The following TYW1B variants were observed in gnomAD, a reference collection of about 807,000 sequenced individuals.
The protein encoded by TYW1B is tRNA-yW synthesizing protein 1 homolog B.
A neutral mutation model predicts 86.9 loss-of-function variants in TYW1B; 73 were observed. The observed-to-expected ratio is 0.84, with a 90% CI of 0.70 to 1.02. The LOEUF is 1.02. Among genes scored for constraint, TYW1B ranks in the 50% least tolerant of loss-of-function variants. The probability of loss-of-function intolerance (pLI) is 0.00; values close to 1 mark genes in which losing one functional copy is unlikely to be tolerated. For synonymous variants in TYW1B, 248 were observed against 292.8 expected (o/e 0.85, Z 1.56); for missense variants, 637 against 827.4 (o/e 0.77, Z 2.82).
chr7:72,596,179 CAA>C (rs58325295), intron 13 of TYW1B, among the ~76,000 whole-genome samples: 10,375 of 56,130 alleles, frequency 0.18, 206 homozygotes, highest in East Asian at 0.38. Context: ...AACTCTGTCT[CAA>C]AAAAAAAAAA....
At chr7:72,720,342 T>A (rs539481584) in intron 9 of TYW1B, among the ~76,000 whole-genome samples, 11 of 151,926 alleles carry the variant, frequency 7.2e-5, no homozygotes, top group Admixed American at 1.3e-4. Flanking sequence ...CAACAAAGGG[T>A]ACTACCACAG....
intron 8 of TYW1B, among the ~76,000 whole-genome samples, chr7:72,729,604 TAGTCCAAAAAAAAC>T (rs1186648705): frequency 1.3e-5 from 2 of 151,720 alleles, no homozygotes; most frequent in Non-Finnish European, 2.9e-5. Context: ...CAGAACCTTG[TAGTCCAAAAAAAAC>T]AGGCAGCACA....
intron 11 of TYW1B, among the ~76,000 whole-genome samples, chr7:72,643,424 T>G (rs1395655252): frequency 6.6e-6 from 1 of 151,876 alleles, no homozygotes; most frequent in Non-Finnish European, 1.5e-5. Context: ...TCGTCTTTAC[T>G]AAAAATTCAA....
intron 11 of TYW1B, among the ~76,000 whole-genome samples, chr7:72,667,077 A>G (rs1330993224): frequency 1.3e-5 from 2 of 151,336 alleles, no homozygotes; most frequent in Non-Finnish European, 2.9e-5. Context: ...TAAAATGCCC[A>G]TATGTACAAT....
chr7:72,767,567 A>C (rs1229532069), intron 7 of TYW1B, among the ~76,000 whole-genome samples: 1 of 152,086 alleles, frequency 6.6e-6, no homozygotes, highest in Non-Finnish European at 1.5e-5. Flanking sequence ...CTGAGATCAC[A>C]CCACTGCACT....
Position 72,820,273 on chromosome 7 carries a change from T to C in TYW1B, c.136-4792A>G, listed in dbSNP as rs189667299. Among the ~76,000 whole-genome samples, 87 of 152,102 alleles carry C rather than the reference T, an allele frequency of 5.7e-4. 1 individual carries two copies. The East Asian group carries it at 0.015, about 27-fold the overall frequency. On this transcript the variant is annotated intron_variant, in intron 2 of 13. Coordinates refer to ENST00000620995, the MANE Select transcript of TYW1B (RefSeq NM_001145440.3). ...CTGGATGACAGAGAAAGACTCTGTC[T>C]CAAAAAAGAAAACAAGAAATTTCAA...
intron 8 of TYW1B, among the ~76,000 whole-genome samples, chr7:72,731,119 G>A (rs2129571069): frequency 7.4e-6 from 1 of 134,804 alleles, no homozygotes; most frequent in Non-Finnish European, 1.6e-5. Flanking sequence ...TATATTCTAA[G>A]GGCTGGAAAA....
intron 8 of TYW1B, among the ~76,000 whole-genome samples, chr7:72,744,071 A>G (rs1470219215): frequency 6.6e-6 from 1 of 152,114 alleles, no homozygotes; most frequent in Non-Finnish European, 1.5e-5. Flanking sequence ...CTCCAATAAC[A>G]AGACACCCAA....
Position 72,807,360 on chromosome 7 carries a change from C to T in TYW1B, c.433-4G>A, listed in dbSNP as rs782000210. ...ACTTGTCAACATTTTTGCCAACCTGCGAGGAAAAGATAGATAGGCTAAAAG... is the reference window on the plus strand; with the variant it reads ...ACTTGTCAACATTTTTGCCAACCTGTGAGGAAAAGATAGATAGGCTAAAAG... On this transcript the variant is annotated splice_region_variant and splice_polypyrimidine_tract_variant and intron_variant, in intron 4 of 13. Transcript: ENST00000620995. 4.3e-6 allele frequency: 7 copies of T among 1,610,316 alleles called. No homozygotes were observed. Among genetic ancestry groups the T allele is most frequent in the South Asian group, 2.2e-5 (2 of 91,008 alleles).
chr7:72,734,323 A>G (rs1424699032), intron 8 of TYW1B, among the ~76,000 whole-genome samples: 1 of 151,922 alleles, frequency 6.6e-6, no homozygotes, highest in Admixed American at 6.6e-5. Flanking sequence ...GTATTGATAT[A>G]AGAACAGACA....
Position 72,730,316 on chromosome 7 carries a change from T to C in TYW1B, c.1083-1385A>G, listed in dbSNP as rs184665524. ...CAAGAGAGATACAAGAGAATACACA[T>C]AGACAATTCAATGAAATCAGGAAAA... is the stretch of plus-strand genomic sequence containing the variant. On this transcript the variant is annotated intron_variant, in intron 8 of 13. Transcript: ENST00000620995. Among the ~76,000 whole-genome samples the C allele has an allele frequency of 3.6e-3, 550 of 151,138 alleles. 1 individual carries two copies. Among genetic ancestry groups the C allele is most frequent in the Non-Finnish European group, 6.3e-3 (428 of 67,834 alleles).
intron 13 of TYW1B, among the ~76,000 whole-genome samples, chr7:72,596,545 C>A (rs188461281): frequency 2.0e-5 from 3 of 152,102 alleles, no homozygotes; most frequent in African/African-American, 7.2e-5. Flanking sequence ...GAAAGGGCAG[C>A]GTCCTTAACA....
intron 9 of TYW1B, among the ~76,000 whole-genome samples, chr7:72,716,892 C>T (rs1371060822): frequency 1.4e-5 from 2 of 146,248 alleles, no homozygotes; most frequent in African/African-American, 5.1e-5. Context: ...GGATTACAGG[C>T]GTGAGCCACC....
At chr7:72,826,311 G>C (rs1452835991) in intron 2 of TYW1B, among the ~76,000 whole-genome samples, 1 of 152,158 alleles carries the variant, frequency 6.6e-6, no homozygotes, top group African/African-American at 2.4e-5. Flanking sequence ...AGGTAGCACA[G>C]ATACTGACAC....
chr7:72,790,279 A>G (rs1788198514), intron 6 of TYW1B, among the ~76,000 whole-genome samples: 1 of 151,986 alleles, frequency 6.6e-6, no homozygotes, highest in African/African-American at 2.4e-5. Flanking sequence ...TGAGCCCTTC[A>G]GACTACATCT....
intron 11 of TYW1B, among the ~76,000 whole-genome samples, chr7:72,648,278 T>C (rs148243772): frequency 0.013 from 1,937 of 152,154 alleles, 38 homozygotes; most frequent in African/African-American, 0.043. Flanking sequence ...CGTGGTGGTT[T>C]ACGCTTGTAA....
At chr7:72,700,195 GAC>G (rs1814431855) in intron 10 of TYW1B, among the ~76,000 whole-genome samples, 1 of 88,884 alleles carries the variant, frequency 1.1e-5, no homozygotes, top group Non-Finnish European at 2.0e-5. Flanking sequence ...TTTTTTGTGA[GAC>G]AGAGTCTCGC....
chr7:72,774,062 CAAAAAAAAA>C (rs35480783), intron 7 of TYW1B, among the ~76,000 whole-genome samples: 1 of 54,826 alleles, frequency 1.8e-5, no homozygotes, highest in African/African-American at 5.8e-5. Flanking sequence ...AACTCCATCT[CAAAAAAAAA>C]AAAAAAAAAA....
intron 12 of TYW1B, among the ~76,000 whole-genome samples, chr7:72,623,346 A>T (rs1252035195): frequency 4.6e-5 from 7 of 152,056 alleles, no homozygotes; most frequent in Admixed American, 3.3e-4. Flanking sequence ...TGTATTATTG[A>T]TTTCACATCT....
Sources: gnomAD v4.1 joint callset for allele counts (sites outside exome capture counted in the v4.1 genomes callset) on GRCh38, gnomAD v4.1.1 for gene constraint, MANE v1.5 for transcripts, NCBI Gene and HGNC (gene_info 2026-07-23, HGNC 2026-07-21) for gene names.